The following TNC variants were observed in gnomAD, a reference collection of about 807,000 sequenced individuals.
TNC encodes tenascin.
In TNC, 109 loss-of-function variants were observed where a neutral mutation model predicts 202.4. That is an observed-to-expected ratio of 0.54 (90% CI 0.46 to 0.63). The LOEUF (loss-of-function observed/expected upper bound fraction) is 0.63. Among genes scored for constraint, TNC ranks in the 30% least tolerant of loss-of-function variants. The pLI is 0.00. For synonymous variants in TNC, 1,007 were observed against 1,089.7 expected, an observed-to-expected ratio of 0.92 and a Z score of 1.50; for missense variants, 2,756 against 2,833.3, an observed-to-expected ratio of 0.97 and a Z score of 0.62.
chr9:115,061,761 T>A (rs1035787656), intron 13 of TNC, among the ~76,000 whole-genome samples: 1 of 152,230 alleles, frequency 6.6e-6, no homozygotes, highest in Non-Finnish European at 1.5e-5. Flanking sequence ...TGGCCCTTTT[T>A]CCCATAGCCC....
Position 115,085,985 on chromosome 9 carries a change from C to T in TNC, c.1746G>A (p.Glu582=), listed in dbSNP as rs747445092. 5 of 1,613,810 alleles carry T rather than the reference C, an allele frequency of 3.1e-6. No individual in the cohort carries two copies. The highest frequency in any genetic ancestry group is 1.3e-5 in the African/African-American group (1 of 74,940). ...GGCCACAGTCCAGGCCTGTGAAGCC[C>T]TCGTGGCAGATGCACTGGCCGTCCA... is the stretch of plus-strand genomic sequence containing the variant. The part of the protein sequence containing the change: ...RCVDGQCICH[E]GFTGLDCGQH... The change falls in exon 3 of 28, where the codon GAG becomes GAA. Residue 582 remains glutamate (E), a synonymous_variant. Transcript: ENST00000350763.
chr9:115,115,100 T>C (rs563995551), intron 1 of TNC: 2 of 152,270 alleles, frequency 1.3e-5, no homozygotes, highest in Non-Finnish European at 1.5e-5. Context: ...TAGGTGTCTA[T>C]AGAAATCTAG....
chr9:115,075,611 C>T (rs558378742), intron 9 of TNC, among the ~76,000 whole-genome samples: 2 of 152,160 alleles, frequency 1.3e-5, no homozygotes, highest in East Asian at 3.9e-4. Context: ...ATGGTGAAAC[C>T]CCATTTCTAC....
At chr9:115,047,240 CTT>C (rs397975455) in intron 16 of TNC, among the ~76,000 whole-genome samples, 11 of 107,194 alleles carry the variant, frequency 1.0e-4, no homozygotes, top group African/African-American at 1.1e-4. Flanking sequence ...CTACCCTTGA[CTT>C]TTTTTTTTTT....
At position 115,087,237 on chromosome 9, in the gene TNC, C is replaced by T. The variant is rs745645074; in HGVS notation, c.494G>A (p.Gly165Asp). 66 of 1,614,030 alleles carry T rather than the reference C, an allele frequency of 4.1e-5. No homozygotes were observed. The highest frequency in any genetic ancestry group is 5.6e-5 in the Non-Finnish European group (66 of 1,180,030). The change falls in exon 3 of 28, where the codon GGC becomes GAC. Residue 165 changes from glycine to aspartate, a missense_variant. Gly to Asp is a moderately conservative substitution (Grantham distance 94). Around this residue, in one of 2 missense-constraint regions of TNC, gnomAD observed 2,559 missense variants for 2,546.0 expected, o/e 1.01. Transcript: ENST00000350763. Reference sequence around the variant, plus strand: ...GCCACATCCTTCAGTGCTGAAGTTGCCCCGACCGCTACAGAAGGGCCTGGT... The same window carrying T: ...GCCACATCCTTCAGTGCTGAAGTTGTCCCGACCGCTACAGAAGGGCCTGGT... ...LDTRPFCSGR[G>D]NFSTEGCGCV...
At chr9:115,062,873 G>A (rs767279695) in intron 13 of TNC, 44 bp downstream of exon 13, 2 of 1,584,194 alleles carry the variant, frequency 1.3e-6, no homozygotes, top group Non-Finnish European at 1.7e-6. Flanking sequence ...TCAATGACAT[G>A]CTGGCTCCTA....
chr9:115,098,376 T>C (rs1289171731), intron 1 of TNC, among the ~76,000 whole-genome samples: 1 of 152,212 alleles, frequency 6.6e-6, no homozygotes, highest in African/African-American at 2.4e-5. Flanking sequence ...CTTTTACTAG[T>C]AGAGCTGTTT....
At chr9:115,072,533 C>A (rs1233518822) in intron 10 of TNC, among the ~76,000 whole-genome samples, 1 of 152,222 alleles carries the variant, frequency 6.6e-6, no homozygotes, top group East Asian at 1.9e-4. Flanking sequence ...CCTTTTCTTG[C>A]ATATCAAGCT....
intron 6 of TNC, among the ~76,000 whole-genome samples, chr9:115,078,820 T>C (rs896771395): frequency 2.6e-5 from 4 of 152,274 alleles, no homozygotes; most frequent in African/African-American, 9.6e-5. Context: ...GGTGTTGTAC[T>C]CTGATAGATG....
intron 1 of TNC, among the ~76,000 whole-genome samples, chr9:115,106,933 A>G (rs1200280383): frequency 7.2e-5 from 11 of 152,318 alleles, no homozygotes. Flanking sequence ...AATTCAAGAA[A>G]TTAGCCAGAG....
At chr9:115,111,937 CAAT>C (rs1837104624) in intron 1 of TNC, among the ~76,000 whole-genome samples, 1 of 152,106 alleles carries the variant, frequency 6.6e-6, no homozygotes, top group Admixed American at 6.6e-5. Flanking sequence ...CCAACACAGA[CAAT>C]AACCTCATGA....
In TNC at chr9:115,052,276, A is replaced by G. The variant is rs568892670; in HGVS notation, c.4580-3744T>C. 2.6e-5 allele frequency among the ~76,000 whole-genome samples: 4 copies of G among 152,040 alleles called. No individual in the cohort carries two copies. The South Asian group carries it at 8.3e-4, about 32-fold the overall frequency. ...AAGCTGAACACATAGAAGCACAGAG[A>G]AGACTGGTGGTTACCGGTGACTGGG... is the stretch of plus-strand genomic sequence containing the variant. On this transcript the variant is annotated intron_variant, in intron 15 of 27. Transcript: ENST00000350763.
chr9:115,088,178 G>C (rs990494049), intron 2 of TNC, among the ~76,000 whole-genome samples: 2 of 152,172 alleles, frequency 1.3e-5, no homozygotes, highest in Non-Finnish European at 2.9e-5. Context: ...TGGGCCAATA[G>C]CCCACTTCCC....
chr9:115,080,527 G>A (rs1445392397), intron 6 of TNC, among the ~76,000 whole-genome samples: 1 of 152,268 alleles, frequency 6.6e-6, no homozygotes, highest in East Asian at 1.9e-4. Flanking sequence ...AAGAAGAGTC[G>A]ATTACTTAAA....
chr9:115,085,363 G>T (rs532856720), intron 3 of TNC, among the ~76,000 whole-genome samples: 5 of 152,314 alleles, frequency 3.3e-5, no homozygotes, highest in African/African-American at 1.2e-4. Flanking sequence ...ATTTGAAACA[G>T]TTGTTTTTAT....
Position 115,042,895 on chromosome 9 carries a change from A to C in TNC, c.5126-554T>G, listed in dbSNP as rs566100471. Among the ~76,000 whole-genome samples, 10 of 152,282 alleles carry C rather than the reference A, an allele frequency of 6.6e-5. 1 individual carries two copies. The highest frequency in any genetic ancestry group is 2.6e-4 in the Admixed American group (4 of 15,294). On this transcript the variant is annotated intron_variant, in intron 17 of 27. Coordinates refer to ENST00000350763, the MANE Select transcript of TNC (RefSeq NM_002160.4). Reference sequence around the variant, plus strand: ...GCAGCAGAGCCAAGCACAGCCTGGAATCCTGGAAATAACGTTCACACAAAC... The same window carrying C: ...GCAGCAGAGCCAAGCACAGCCTGGACTCCTGGAAATAACGTTCACACAAAC...
chr9:115,034,387 A>G (rs1830164337), intron 22 of TNC, among the ~76,000 whole-genome samples: 1 of 152,234 alleles, frequency 6.6e-6, no homozygotes, highest in Admixed American at 6.5e-5. Flanking sequence ...GTTCAAATAC[A>G]AAAAGACAGA....
intron 6 of TNC, 27 bp downstream of exon 6, chr9:115,081,745 T>C (rs1398673372): frequency 6.2e-7 from 1 of 1,613,350 alleles, no homozygotes; most frequent in Admixed American, 1.7e-5. Flanking sequence ...GCCTTATCAT[T>C]CTATAAGTAT....
At chr9:115,098,486 T>C (rs900280122) in intron 1 of TNC, among the ~76,000 whole-genome samples, 1 of 152,188 alleles carries the variant, frequency 6.6e-6, no homozygotes, top group Non-Finnish European at 1.5e-5. Flanking sequence ...AAATCAACAA[T>C]CTGATTTTTT....
Sources: allele counts gnomAD v4.1 joint callset (sites outside exome capture counted in the v4.1 genomes callset), GRCh38; gene constraint gnomAD v4.1.1; regional missense constraint gnomAD v4.1.1; transcripts MANE v1.5; gene names NCBI Gene and HGNC (gene_info 2026-07-23, HGNC 2026-07-21).